CNTN1: variants seen among roughly 807,000 people sequenced by gnomAD.
CNTN1 encodes the protein contactin 1, also known as contactin-1.
A neutral mutation model predicts 126.4 loss-of-function variants in CNTN1; 38 were observed. The ratio of observed to expected loss-of-function variants is 0.30; its 90% CI spans 0.23 to 0.39. CNTN1 has a LOEUF of 0.39. Ranked by LOEUF, CNTN1 falls within the 10% of genes least tolerant of loss-of-function variation. CNTN1 has a pLI of 1.00. For missense variants in CNTN1, 1,009 were observed against 1,248.4 expected, an observed-to-expected ratio of 0.81 and a Z score of 2.89; for synonymous variants, 413 against 422.6, an observed-to-expected ratio of 0.98 and a Z score of 0.28.
Position 40,854,436 on chromosome 12 carries a change from C to T in CNTN1, c.-76-53921C>T, listed in dbSNP as rs1418232015. Among the ~76,000 whole-genome samples, 9 of 152,092 alleles carry T rather than the reference C, an allele frequency of 5.9e-5. No homozygotes were observed. In the East Asian group the frequency reaches 1.4e-3, roughly 23 times the overall value. On this transcript the variant is annotated intron_variant, in intron 1 of 23. Transcript: ENST00000551295. ...TCTCATATTTAGTTTCATCTCATCT[C>T]ATATTTCTAGATTTAAAAGTTTGGT...
chr12:40,778,169 C>T (rs1284671263), intron 1 of CNTN1, among the ~76,000 whole-genome samples: 2 of 151,818 alleles, frequency 1.3e-5, no homozygotes, highest in Non-Finnish European at 2.9e-5. Context: ...TTGGACAAAA[C>T]TATGTGAAGG....
intron 1 of CNTN1, among the ~76,000 whole-genome samples, chr12:40,782,102 C>T (rs534877867): frequency 1.3e-5 from 2 of 151,840 alleles, no homozygotes; most frequent in Non-Finnish European, 2.9e-5. Context: ...TGAGTGAAAC[C>T]ATCCCCTATT....
intron 1 of CNTN1, among the ~76,000 whole-genome samples, chr12:40,709,980 A>G (rs1277605041): frequency 5.3e-5 from 8 of 152,136 alleles, no homozygotes; most frequent in Non-Finnish European, 8.8e-5. Context: ...TTATATTCAC[A>G]ACTTAGCTAT....
chr12:40,853,784 C>T (rs934965703), intron 1 of CNTN1, among the ~76,000 whole-genome samples: 2 of 151,580 alleles, frequency 1.3e-5, no homozygotes, highest in East Asian at 1.9e-4. Flanking sequence ...TAGCTCTATC[C>T]GTCTCCTTTC....
chr12:40,922,554 C>A lies in CNTN1; in HGVS notation c.400+126C>A, dbSNP rs962816449. The A allele has an allele frequency of 7.2e-6, 6 of 833,480 alleles. No homozygotes were observed. In the African/African-American group the frequency reaches 8.4e-5, roughly 12 times the overall value. 51.6% of individuals were successfully genotyped at this position (833,480 alleles called of 1,614,324 possible). A position where few individuals can be genotyped will look rare whatever the true frequency, so the allele number is the denominator to read the frequency against. On this transcript the variant is annotated intron_variant, in intron 5 of 23. Coordinates refer to ENST00000551295, the MANE Select transcript of CNTN1 (RefSeq NM_001843.4). The stretch of plus-strand genomic sequence containing the variant: ...AGGTGGATCTTACAAGATGAGTGGA[C>A]CCTAATTGTGTAATGGAGACAACAA...
chr12:40,768,564 C>T (rs964548166), intron 1 of CNTN1, among the ~76,000 whole-genome samples: 3 of 152,176 alleles, frequency 2.0e-5, no homozygotes, highest in Non-Finnish European at 2.9e-5. Context: ...TGGGTTATAA[C>T]AAAGCAAGGT....
intron 15 of CNTN1, among the ~76,000 whole-genome samples, chr12:40,977,500 G>T (rs1282872330): frequency 6.6e-6 from 1 of 151,976 alleles, no homozygotes; most frequent in Admixed American, 6.6e-5. Flanking sequence ...GATGGCTGGG[G>T]GGCTTAGAAT....
At chr12:40,918,198 G>A (rs1482734544) in intron 3 of CNTN1, among the ~76,000 whole-genome samples, 1 of 152,162 alleles carries the variant, frequency 6.6e-6, no homozygotes, top group Non-Finnish European at 1.5e-5. Flanking sequence ...TTTATGGGGA[G>A]CTACAGGAAC....
intron 1 of CNTN1, among the ~76,000 whole-genome samples, chr12:40,865,119 G>A (rs1043356551): frequency 6.6e-6 from 1 of 152,018 alleles, no homozygotes; most frequent in Admixed American, 6.6e-5. Flanking sequence ...CTTTTCATGC[G>A]ATCATTGTCC....
At chr12:41,059,854 A>G (rs1426739904) in intron 23 of CNTN1, among the ~76,000 whole-genome samples, 2 of 152,064 alleles carry the variant, frequency 1.3e-5, no homozygotes, top group Non-Finnish European at 2.9e-5. Context: ...GTGAGACCCT[A>G]TATCTACGAA....
At chr12:40,937,165 C>T (rs931263643) in intron 10 of CNTN1, among the ~76,000 whole-genome samples, 2 of 152,058 alleles carry the variant, frequency 1.3e-5, no homozygotes, top group Non-Finnish European at 1.5e-5. Context: ...CCTCTTCCTA[C>T]TCATCCATCT....
chr12:41,030,635 AG>A (rs1433332724), intron 23 of CNTN1, among the ~76,000 whole-genome samples: 2 of 152,100 alleles, frequency 1.3e-5, no homozygotes, highest in African/African-American at 2.4e-5. Flanking sequence ...AACTCATTAA[AG>A]TTTTTTTCTA....
At chr12:41,029,002 G>T (rs1051093753) in intron 22 of CNTN1, 61 bp from the exon 23 acceptor site, 17 of 1,490,408 alleles carry the variant, frequency 1.1e-5, no homozygotes, top group Non-Finnish European at 1.4e-5. Context: ...TGGTTTTAGT[G>T]TTAGAGCATT....
intron 15 of CNTN1, chr12:40,972,286 G>C (rs1459953417): frequency 1.5e-5 from 15 of 985,162 alleles, no homozygotes; most frequent in Non-Finnish European, 1.7e-5. Flanking sequence ...TTGAGTAGAA[G>C]TGGATGATTA....
At chr12:40,930,713 T>C (rs1565974952) in intron 7 of CNTN1, among the ~76,000 whole-genome samples, 1 of 152,022 alleles carries the variant, frequency 6.6e-6, no homozygotes, top group Non-Finnish European at 1.5e-5. Flanking sequence ...CAGCTTCAGA[T>C]TAACAGATTT....
At chr12:40,919,532 C>T (rs887776454) in intron 4 of CNTN1, among the ~76,000 whole-genome samples, 2 of 152,144 alleles carry the variant, frequency 1.3e-5, no homozygotes, top group African/African-American at 4.8e-5. Context: ...ATTGGGGGCT[C>T]TAGTGTGTTA....
At chr12:41,010,811 T>C (rs761904656) in intron 17 of CNTN1, among the ~76,000 whole-genome samples, 24 of 152,250 alleles carry the variant, frequency 1.6e-4, no homozygotes, top group Middle Eastern at 3.4e-3. Flanking sequence ...GTGCATTAAA[T>C]GGTGTTTCCT....
chr12:41,031,259 G>A (rs1243542404), intron 23 of CNTN1, among the ~76,000 whole-genome samples: 1 of 152,156 alleles, frequency 6.6e-6, no homozygotes, highest in East Asian at 1.9e-4. Flanking sequence ...ATGTTTGCCT[G>A]TTTCTGTGGT....
At chr12:41,025,454 T>C in intron 21 of CNTN1, 118 bp downstream of exon 21, 1 of 941,898 alleles carries the variant, frequency 1.1e-6, no homozygotes, top group Non-Finnish European at 1.7e-6. Context: ...TTCAATATCC[T>C]TTACAGCCAC....
Sources: allele counts gnomAD v4.1 joint callset (sites outside exome capture counted in the v4.1 genomes callset), GRCh38; gene constraint gnomAD v4.1.1; transcripts MANE v1.5; gene names NCBI Gene and HGNC (gene_info 2026-07-23, HGNC 2026-07-21).